Variants in RFX4 observed in about 807,000 individuals in gnomAD.
RFX4 encodes transcription factor RFX4.
RFX4 carries 10 observed loss-of-function variants against 95.0 expected under a neutral mutation model. The observed-to-expected ratio is 0.11, with a 90% CI of 0.06 to 0.18. The LOEUF is 0.18. RFX4 is among the 10% of genes least tolerant of loss of function. The probability of loss-of-function intolerance (pLI) is 1.00; values close to 1 mark genes in which losing one functional copy is unlikely to be tolerated. For missense variants in RFX4, 640 were observed against 922.0 expected, an observed-to-expected ratio of 0.69 and a Z score of 3.96; for synonymous variants, 321 against 340.7, an observed-to-expected ratio of 0.94 and a Z score of 0.64.
Position 106,604,544 on chromosome 12 carries a change from T to TAA in RFX4, c.44-4242_44-4241dup, listed in dbSNP as rs34226359. ...TATACTTTTCCATGCCTTATGTGGT[T>TAA]AAAAAAAAAAAAGAAAATGATTAGG... is the stretch of plus-strand genomic sequence containing the variant. On this transcript the variant is annotated intron_variant, in intron 1 of 17. Transcript: ENST00000392842. Among the ~76,000 whole-genome samples, 911 of 146,422 alleles carry TAA rather than the reference T, an allele frequency of 6.2e-3. 4 individuals carry two copies. Among genetic ancestry groups the TAA allele is most frequent in the Non-Finnish European group, 0.01 (676 of 66,162 alleles).
chr12:106,663,970 A>G (rs907818079), intron 4 of RFX4, among the ~76,000 whole-genome samples: 5 of 151,792 alleles, frequency 3.3e-5, no homozygotes, highest in African/African-American at 1.2e-4. Context: ...ATTTGCAAAT[A>G]TTCTGTTAAG....
chr12:106,703,685 A>G (rs976958292), intron 8 of RFX4, among the ~76,000 whole-genome samples: 1 of 152,234 alleles, frequency 6.6e-6, no homozygotes, highest in East Asian at 1.9e-4. Context: ...ATTACAAAGC[A>G]GTTTGTGGGG....
At chr12:106,641,196 A>G (rs1234526228) in intron 3 of RFX4, among the ~76,000 whole-genome samples, 3 of 152,246 alleles carry the variant, frequency 2.0e-5, no homozygotes, top group African/African-American at 7.2e-5. Flanking sequence ...ATTCCAGGAC[A>G]TCTGCCTGGG....
chr12:106,701,896 A>G (rs2041998942), intron 8 of RFX4, among the ~76,000 whole-genome samples: 1 of 152,152 alleles, frequency 6.6e-6, no homozygotes, highest in Non-Finnish European at 1.5e-5. Flanking sequence ...TTGTGCCTAT[A>G]GTCTAGCCAC....
At chr12:106,742,215 C>A (rs796784953) in intron 15 of RFX4, among the ~76,000 whole-genome samples, 2 of 152,274 alleles carry the variant, frequency 1.3e-5, no homozygotes, top group African/African-American at 4.8e-5. Flanking sequence ...GAAACAGGGT[C>A]TCACTCTGTT....
intron 4 of RFX4, among the ~76,000 whole-genome samples, chr12:106,678,398 G>A (rs1175393373): frequency 1.3e-5 from 2 of 152,110 alleles, no homozygotes; most frequent in Admixed American, 6.6e-5. Flanking sequence ...ATAAGACTTA[G>A]CAACCAAACA....
At chr12:106,706,297 A>C (rs1370896277) in intron 8 of RFX4, among the ~76,000 whole-genome samples, 1 of 152,128 alleles carries the variant, frequency 6.6e-6, no homozygotes, top group Non-Finnish European at 1.5e-5. Context: ...ATAATGTGAA[A>C]ACATTGAGGA....
chr12:106,620,621 T>A lies in RFX4; in HGVS notation c.130+11738T>A, dbSNP rs1415020266. ...GCAAAAGCAGAACTACTGATGAGGG[T>A]CTATGTTCAGCGGTGCATGTATTGT... On this transcript the variant is annotated intron_variant, in intron 2 of 17. Coordinates refer to ENST00000392842, the MANE Select transcript of RFX4 (RefSeq NM_213594.3). Among the ~76,000 whole-genome samples, 3 of 151,966 alleles carry A rather than the reference T, an allele frequency of 2.0e-5. No homozygotes were observed. The East Asian group carries it at 5.8e-4, about 29-fold the overall frequency.
chr12:106,601,697 C>CT (rs1195668760), intron 1 of RFX4, among the ~76,000 whole-genome samples: 1 of 152,228 alleles, frequency 6.6e-6, no homozygotes, highest in African/African-American at 2.4e-5. Flanking sequence ...TCCCAGCTGC[C>CT]TGCAGGCTTC....
chr12:106,724,939 G>A (rs904518509), intron 13 of RFX4, among the ~76,000 whole-genome samples: 2 of 151,644 alleles, frequency 1.3e-5, no homozygotes, highest in Non-Finnish European at 1.5e-5. Context: ...TTGAACCCAC[G>A]GGGGCAGAGG....
intron 2 of RFX4, among the ~76,000 whole-genome samples, chr12:106,630,163 G>T (rs912304470): frequency 6.6e-6 from 1 of 152,060 alleles, no homozygotes; most frequent in Non-Finnish European, 1.5e-5. Context: ...TCTATGGTGG[G>T]CAGATGAGAC....
At chr12:106,710,293 G>A (rs909941812) in intron 9 of RFX4, among the ~76,000 whole-genome samples, 4 of 152,160 alleles carry the variant, frequency 2.6e-5, no homozygotes, top group East Asian at 1.9e-4. Context: ...CCTTTCAGAC[G>A]CGCTTTGAGG....
At chr12:106,758,465 A>C (rs1397994942) in intron 17 of RFX4, among the ~76,000 whole-genome samples, 1 of 152,190 alleles carries the variant, frequency 6.6e-6, no homozygotes, top group Admixed American at 6.5e-5. Flanking sequence ...TCTATGACAC[A>C]ACTTCTGAGC....
chr12:106,760,486 G>A (rs894703302), intron 17 of RFX4, among the ~76,000 whole-genome samples: 9 of 151,454 alleles, frequency 5.9e-5, no homozygotes, highest in Non-Finnish European at 8.8e-5. Context: ...TCCCCTCCCC[G>A]CCCCTCTCAA....
intron 8 of RFX4, among the ~76,000 whole-genome samples, chr12:106,705,671 G>A (rs767375156): frequency 6.6e-6 from 1 of 152,132 alleles, no homozygotes; most frequent in Admixed American, 6.5e-5. Context: ...AAGTGTTGGA[G>A]AAACTGAATG....
intron 4 of RFX4, among the ~76,000 whole-genome samples, 190 bp downstream of exon 4, chr12:106,654,541 G>A (rs1276148996): frequency 2.0e-5 from 3 of 152,086 alleles, no homozygotes; most frequent in African/African-American, 7.2e-5. Context: ...ACATTGTAAA[G>A]TAAGAAATTC....
chr12:106,687,218 ACACACAC>A, intron 6 of RFX4, 121 bp downstream of exon 6: 3 of 709,888 alleles, frequency 4.2e-6, no homozygotes, highest in South Asian at 1.8e-5. Context: ...ACACACACAC[ACACACAC>A]ATTTATTGCA....
chr12:106,712,502 G>A (rs2042209910), intron 10 of RFX4, among the ~76,000 whole-genome samples: 1 of 152,134 alleles, frequency 6.6e-6, no homozygotes, highest in African/African-American at 2.4e-5. Flanking sequence ...TTGGTTCTGG[G>A]TGGGTTCAAG....
At chr12:106,694,085 T>G in intron 7 of RFX4, among the ~76,000 whole-genome samples, 1 of 152,222 alleles carries the variant, frequency 6.6e-6, no homozygotes, top group East Asian at 1.9e-4. Context: ...TTTGTTTTCA[T>G]TTTCAATCTG....
Sources: gnomAD v4.1 joint callset for allele counts (sites outside exome capture counted in the v4.1 genomes callset) on GRCh38, gnomAD v4.1.1 for gene constraint, MANE v1.5 for transcripts, NCBI Gene and HGNC (gene_info 2026-07-23, HGNC 2026-07-21) for gene names.